RFTN2: variants seen among roughly 807,000 people sequenced by gnomAD.
The protein encoded by RFTN2 is raftlin-2.
A neutral mutation model predicts 52.7 loss-of-function variants in RFTN2; 34 were observed. That is an observed-to-expected ratio of 0.64 (90% CI 0.49 to 0.86). The LOEUF is 0.86. Among genes scored for constraint, RFTN2 ranks in the 40% least tolerant of loss-of-function variants. The pLI, the probability that RFTN2 is intolerant of heterozygous loss-of-function variation, is 0.00. For missense variants in RFTN2, 536 were observed against 600.1 expected, an observed-to-expected ratio of 0.89 and a Z score of 1.12; for synonymous variants, 203 against 217.7, an observed-to-expected ratio of 0.93 and a Z score of 0.59.
intron 1 of RFTN2, among the ~76,000 whole-genome samples, chr2:197,653,857 T>G (rs2088856440): frequency 6.6e-6 from 1 of 152,208 alleles, no homozygotes; most frequent in Non-Finnish European, 1.5e-5. Context: ...TTCCCAAACT[T>G]TAGTTGTCTA....
In RFTN2 at chr2:197,575,794, A is replaced by ATATATTTTATATACATAATATATATTC. The variant is rs1553597187; in HGVS notation, c.1234-3515_1234-3514insGAATATATATTATGTATATAAAATATA. Among the ~76,000 whole-genome samples, 407 of 131,192 alleles carry ATATATTTTATATACATAATATATATTC rather than the reference A, an allele frequency of 3.1e-3. 2 individuals carry two copies. The highest frequency in any genetic ancestry group is 3.7e-3 in the Middle Eastern group (1 of 272). 86.1% of individuals were successfully genotyped at this position (131,192 alleles called of 152,430 possible). ...ATATATATTCTATATATAATATATTATATATATTTTATATACATAATATAT... is the reference window on the plus strand; with the variant it reads ...ATATATATTCTATATATAATATATTATATATTTTATATACATAATATATATTCTATATATTTTATATACATAATATAT... On this transcript the variant is annotated intron_variant, in intron 8 of 8. Transcript: ENST00000295049.
Position 197,631,204 on chromosome 2 carries a change from C to G in RFTN2, c.735G>C (p.Leu245Phe). 2 of 1,610,202 alleles carry G rather than the reference C, an allele frequency of 1.2e-6. No individual in the cohort carries two copies. Among genetic ancestry groups the G allele is most frequent in the Non-Finnish European group, 1.7e-6 (2 of 1,178,904 alleles). Residue 245 changes from leucine (L) to phenylalanine (F), a missense_variant, in exon 5 of 9, where the codon TTG becomes TTC. Physicochemically the swap from Leu to Phe is conservative, Grantham distance 22. Transcript: ENST00000295049. ...SRKGEASDNK[L>F]YTVFNAFDDD... Reference sequence around the variant, plus strand: ...CATCAAAAGCATTGAAGACTGTATACAATTTGTTATCTGAGGCTAGGCATT... The same window carrying G: ...CATCAAAAGCATTGAAGACTGTATAGAATTTGTTATCTGAGGCTAGGCATT...
intron 8 of RFTN2, among the ~76,000 whole-genome samples, chr2:197,587,433 T>G (rs1574683243): frequency 6.6e-6 from 1 of 152,276 alleles, no homozygotes; most frequent in African/African-American, 2.4e-5. Context: ...ACAAAAGAAG[T>G]GAAAATGGCC....
chr2:197,633,848 A>G lies in RFTN2; in HGVS notation c.588T>C (p.Ser196=), dbSNP rs113353048. The change falls in exon 4 of 9, where the codon AGT becomes AGC. Residue 196 remains serine (S), a synonymous_variant. Coordinates refer to ENST00000295049, the MANE Select transcript of RFTN2 (RefSeq NM_144629.3). ...GCCCACTTAACGTCCCTTCATTCCA[A>G]CTTCTACAGTTTTCATCTGAACCGT... ...VRHGSDENCR[S]WNEGTLSGQS... is the part of the protein sequence containing the mutation. 30 of 1,613,684 alleles carry G rather than the reference A, an allele frequency of 1.9e-5. No homozygotes were observed. The highest frequency in any genetic ancestry group is 4.0e-5 in the African/African-American group (3 of 74,854).
intron 1 of RFTN2, among the ~76,000 whole-genome samples, chr2:197,674,746 T>G (rs1047535031): frequency 4.6e-5 from 7 of 152,018 alleles, no homozygotes; most frequent in Non-Finnish European, 8.8e-5. Context: ...GTTTCTCTGT[T>G]AGGGACAGGG....
chr2:197,661,122 A>G (rs1164411446), intron 1 of RFTN2, among the ~76,000 whole-genome samples: 1 of 152,108 alleles, frequency 6.6e-6, no homozygotes, highest in Non-Finnish European at 1.5e-5. Context: ...GCTCCCATAT[A>G]TGAGTGAGAA....
At chr2:197,620,255 G>T (rs1297340705) in intron 5 of RFTN2, among the ~76,000 whole-genome samples, 1 of 151,992 alleles carries the variant, frequency 6.6e-6, no homozygotes, top group Non-Finnish European at 1.5e-5. Flanking sequence ...AAGAATTCCT[G>T]CTGGGAAGGA....
intron 7 of RFTN2, among the ~76,000 whole-genome samples, chr2:197,600,067 C>A (rs2087856996): frequency 6.6e-6 from 1 of 152,060 alleles, no homozygotes; most frequent in Non-Finnish European, 1.5e-5. Flanking sequence ...CCATGCTGGC[C>A]AGGCTGGTCT....
intron 8 of RFTN2, among the ~76,000 whole-genome samples, chr2:197,577,371 TG>T (rs1438993098): frequency 6.6e-6 from 1 of 152,272 alleles, no homozygotes. Context: ...AGACACAGTT[TG>T]GTGGTTGTCA....
Position 197,675,381 on chromosome 2 carries a change from C to A in RFTN2, c.78G>T (p.Pro26=). The A allele has an allele frequency of 6.2e-7, 1 of 1,604,970 alleles. No individual in the cohort carries two copies. The highest frequency in any genetic ancestry group is 1.7e-4 in the Middle Eastern group (1 of 6,034). ...CAAATTCTGTCTTTGTTTCCACTTG[C>A]GGTCTCTTCAGGGTAGAAAATATTT... The part of the protein sequence containing the change: ...PGKIFSTLKR[P]QVETKTEFAY... The change falls in exon 1 of 9, where the codon CCG becomes CCT. Residue 26 remains proline, a synonymous_variant. Coordinates refer to ENST00000295049, the MANE Select transcript of RFTN2 (RefSeq NM_144629.3).
intron 7 of RFTN2, among the ~76,000 whole-genome samples, chr2:197,596,618 TA>T (rs1314547243): frequency 6.6e-6 from 1 of 152,212 alleles, no homozygotes; most frequent in South Asian, 2.1e-4. Context: ...GATGCTATTA[TA>T]AAAAATATGT....
At chr2:197,596,190 A>C in intron 7 of RFTN2, 121 bp from the exon 8 acceptor site, 1 of 489,530 alleles carries the variant, frequency 2.0e-6, no homozygotes, top group Non-Finnish European at 3.5e-6. Flanking sequence ...ATAATTATAA[A>C]ATATAAATCT....
intron 1 of RFTN2, among the ~76,000 whole-genome samples, chr2:197,661,470 A>G (rs1329844626): frequency 6.6e-6 from 1 of 152,030 alleles, no homozygotes; most frequent in South Asian, 2.1e-4. Context: ...CTGGGATTTC[A>G]TTCTTTTTTA....
chr2:197,658,732 G>C (rs1055963625), intron 1 of RFTN2, among the ~76,000 whole-genome samples: 2 of 152,156 alleles, frequency 1.3e-5, no homozygotes, highest in African/African-American at 4.8e-5. Flanking sequence ...CAGTTCTTTA[G>C]GGGAAGAAAC....
chr2:197,628,296 T>A (rs2088402732), intron 5 of RFTN2, among the ~76,000 whole-genome samples: 1 of 152,110 alleles, frequency 6.6e-6, no homozygotes, highest in Non-Finnish European at 1.5e-5. Flanking sequence ...GTCAAATGTC[T>A]AATGAGACAT....
intron 8 of RFTN2, among the ~76,000 whole-genome samples, chr2:197,574,854 G>A (rs1390515880): frequency 6.8e-6 from 1 of 147,672 alleles, no homozygotes; most frequent in African/African-American, 2.5e-5. Context: ...GGCAACAAGA[G>A]AAAGACTCCA....
At chr2:197,673,113 G>T (rs984965444) in intron 1 of RFTN2, among the ~76,000 whole-genome samples, 2 of 152,120 alleles carry the variant, frequency 1.3e-5, no homozygotes, top group Non-Finnish European at 2.9e-5. Context: ...TAATGTAAGA[G>T]ACAGGCTCAT....
At chr2:197,594,800 T>C (rs544012014) in intron 8 of RFTN2, among the ~76,000 whole-genome samples, 34 of 152,302 alleles carry the variant, frequency 2.2e-4, no homozygotes, top group Non-Finnish European at 4.3e-4. Flanking sequence ...CTCTACCGAT[T>C]TACCTACTGA....
chr2:197,617,881 A>G lies in RFTN2; in HGVS notation c.969T>C (p.Tyr323=). 3 of 1,609,788 alleles carry G rather than the reference A, an allele frequency of 1.9e-6. No individual in the cohort carries two copies. Among genetic ancestry groups the G allele is most frequent in the Non-Finnish European group, 2.5e-6 (3 of 1,177,138 alleles). The change falls in exon 6 of 9, where the codon TAT becomes TAC. Residue 323 remains tyrosine (Y), a synonymous_variant. Transcript: ENST00000295049. ...CTGGAACTCCAGAACCTTCTTCTTC[A>G]TAGATAAAAAATCCTTCCAAAGATT... The part of the protein sequence containing the change: ...LPKSLEGFFI[Y]EEEGSGVPGS...
Sources: gnomAD v4.1 joint callset for allele counts (sites outside exome capture counted in the v4.1 genomes callset) on GRCh38, gnomAD v4.1.1 for gene constraint, MANE v1.5 for transcripts, NCBI Gene and HGNC (gene_info 2026-07-23, HGNC 2026-07-21) for gene names.